DOCK10: variants seen among roughly 807,000 people sequenced by gnomAD.
DOCK10 encodes dedicator of cytokinesis protein 10.
A neutral mutation model predicts 280.1 loss-of-function variants in DOCK10; 145 were observed. The observed-to-expected ratio is 0.52, with a 90% confidence interval of 0.45 to 0.59. The LOEUF (loss-of-function observed/expected upper bound fraction) is 0.59. Among genes scored for constraint, DOCK10 ranks in the 20% least tolerant of loss-of-function variants. The pLI is 0.00. For missense variants in DOCK10, 2,368 were observed against 2,651.7 expected, an observed-to-expected ratio of 0.89 and a Z score of 2.35; for synonymous variants, 915 against 942.2, an observed-to-expected ratio of 0.97 and a Z score of 0.53.
chr2:224,787,059 A>G lies in DOCK10; in HGVS notation c.5618T>C (p.Leu1873Pro). 6.2e-7 allele frequency: 1 copy of G among 1,613,998 alleles called. No individual in the cohort carries two copies. Among genetic ancestry groups the G allele is most frequent in the Non-Finnish European group, 8.5e-7 (1 of 1,179,872 alleles). Residue 1873 changes from leucine to proline, a missense_variant, in exon 50 of 56, where the codon CTG becomes CCG. By Grantham distance (98) the Leu-to-Pro change is moderately conservative. Around this residue, in one of 2 missense-constraint regions of DOCK10, gnomAD observed 1,159 missense variants for 1,400.8 expected, o/e 0.83. Transcript: ENST00000258390. ...VAEVVNSEKRLFGRYYRVAFY... is the reference protein window; with the variant it reads ...VAEVVNSEKRPFGRYYRVAFY... ...TGCCACACGATAGTAGCGACCAAAC[A>G]GCCGCTTCTCCGAATTCACCACCTC...
At chr2:224,935,684 ACGTAAAATCCT>A (rs1702645598) in intron 1 of DOCK10, among the ~76,000 whole-genome samples, 1 of 152,194 alleles carries the variant, frequency 6.6e-6, no homozygotes, top group Non-Finnish European at 1.5e-5. Context: ...AAGAGCCCAC[ACGTAAAATCCT>A]CATTATCCAA....
chr2:224,967,063 G>A (rs189616184), intron 1 of DOCK10, among the ~76,000 whole-genome samples: 37 of 151,354 alleles, frequency 2.4e-4, no homozygotes, highest in African/African-American at 7.5e-4. Context: ...AATGGATAAA[G>A]TTCACCCTAT....
In DOCK10 at chr2:225,002,717, G is replaced by A. The variant is rs141411879; in HGVS notation, c.123+39535C>T. Among the ~76,000 whole-genome samples, 453 of 152,276 alleles carry A rather than the reference G, an allele frequency of 3.0e-3. 1 individual carries two copies. In the Middle Eastern group the frequency reaches 0.037, roughly 13 times the overall value. ...GAAAAAAGCCAGCAGCTGGCATCTC[G>A]TCACCCACAGCTTCCAGAAACAGTC... On this transcript the variant is annotated intron_variant, in intron 1 of 55. Transcript: ENST00000258390.
At chr2:224,901,901 A>T (rs920675126) in intron 3 of DOCK10, among the ~76,000 whole-genome samples, 2 of 152,180 alleles carry the variant, frequency 1.3e-5, no homozygotes, top group Non-Finnish European at 2.9e-5. Flanking sequence ...ATCTAGACAC[A>T]GCCTTTTAAA....
At chr2:224,774,536 G>A (rs547345218) in intron 52 of DOCK10, among the ~76,000 whole-genome samples, 2 of 152,294 alleles carry the variant, frequency 1.3e-5, no homozygotes, top group South Asian at 2.1e-4. Flanking sequence ...TCCCAGAGTG[G>A]TTTAGAATCT....
rs372631892 is a variant in DOCK10 at position 224,809,377 on chromosome 2, C to G, written c.3410-1291G>C. Among the ~76,000 whole-genome samples the G allele has an allele frequency of 2.0e-5, 3 of 152,128 alleles. No individual in the cohort carries two copies. The East Asian group carries it at 5.8e-4, about 29-fold the overall frequency. ...ATCAAATTTAAAAGTTTCTGGACAG[C>G]AAAGGAAGCAATCAACAAAATGAAA... On this transcript the variant is annotated intron_variant, in intron 31 of 55. Transcript: ENST00000258390.
intron 1 of DOCK10, among the ~76,000 whole-genome samples, chr2:224,956,627 A>G (rs1422736311): frequency 8.1e-5 from 2 of 24,678 alleles, no homozygotes; most frequent in African/African-American, 3.6e-4. Flanking sequence ...CTACCTCAGA[A>G]AAAAAAAAAA....
chr2:224,946,141 T>C (rs1366549389), intron 1 of DOCK10, among the ~76,000 whole-genome samples: 1 of 152,250 alleles, frequency 6.6e-6, no homozygotes, highest in African/African-American at 2.4e-5. Context: ...TCAGCTCTGA[T>C]ATTCAACTGT....
At chr2:224,883,947 G>A (rs771141991) in intron 7 of DOCK10, among the ~76,000 whole-genome samples, 1 of 152,148 alleles carries the variant, frequency 6.6e-6, no homozygotes, top group Non-Finnish European at 1.5e-5. Flanking sequence ...CAAATGGAAA[G>A]GATAATATTT....
At chr2:224,767,097 C>T (rs973387180) in intron 55 of DOCK10, among the ~76,000 whole-genome samples, 1 of 152,152 alleles carries the variant, frequency 6.6e-6, no homozygotes, top group African/African-American at 2.4e-5. Flanking sequence ...AATCATGGGG[C>T]CTTTACCCAT....
At position 224,864,607 on chromosome 2, in the gene DOCK10, C is replaced by T. The variant is rs1234730990; in HGVS notation, c.1548G>A (p.Met516Ile). The T allele has an allele frequency of 6.2e-7, 1 of 1,613,172 alleles. No homozygotes were observed. Among genetic ancestry groups the T allele is most frequent in the Non-Finnish European group, 8.5e-7 (1 of 1,179,750 alleles). The change falls in exon 13 of 56, where the codon ATG becomes ATA. Residue 516 changes from methionine to isoleucine, a missense_variant. By Grantham distance (10) the Met-to-Ile change is conservative (BLOSUM62 1). Transcript: ENST00000258390. ...VLVAKIEKVL[M>I]GNIASGAEPY... Reference sequence around the variant, plus strand: ...GTTCGGCACCACTTGCAATGTTTCCCATCAAGACTTTTTCGATTTTGGCCA... The same window carrying T: ...GTTCGGCACCACTTGCAATGTTTCCTATCAAGACTTTTTCGATTTTGGCCA...
At chr2:225,009,180 A>G (rs984820227) in intron 1 of DOCK10, among the ~76,000 whole-genome samples, 1 of 152,244 alleles carries the variant, frequency 6.6e-6, no homozygotes, top group Non-Finnish European at 1.5e-5. Context: ...AGGGGGTCAC[A>G]GATTAGGTTT....
At chr2:224,781,118 T>A (rs3768874) in intron 50 of DOCK10, among the ~76,000 whole-genome samples, 89,210 of 151,724 alleles carry the variant, frequency 0.59, 29,013 homozygotes, top group African/African-American at 0.86. Flanking sequence ...TGATGAAAAA[T>A]CTCTGTATCT....
intron 3 of DOCK10, among the ~76,000 whole-genome samples, chr2:224,909,807 TAATGGA>T (rs1700909094): frequency 2.0e-5 from 3 of 151,932 alleles, no homozygotes; most frequent in Admixed American, 6.6e-5. Flanking sequence ...TGCAGTGTTT[TAATGGA>T]TGTGAAATAA....
chr2:225,039,863 A>G (rs532588658), intron 1 of DOCK10, among the ~76,000 whole-genome samples: 2 of 152,336 alleles, frequency 1.3e-5, no homozygotes, highest in South Asian at 4.1e-4. Flanking sequence ...GATTTCAGAA[A>G]GGGGAATATA....
rs868387529 is a variant in DOCK10, at chr2:224,826,537, A to T, written c.3037-2890T>A. ...ATTCACTTCACAATTTAAAAAGAAA[A>T]AAAAAAGAAAATACAAATAGCTTGG... On this transcript the variant is annotated intron_variant, in intron 27 of 55. Coordinates refer to ENST00000258390, the MANE Select transcript of DOCK10 (RefSeq NM_014689.3). Among the ~76,000 whole-genome samples, 9 of 152,248 alleles carry T rather than the reference A, an allele frequency of 5.9e-5. 1 individual carries two copies. The highest frequency in any genetic ancestry group is 2.2e-4 in the African/African-American group (9 of 41,530).
At chr2:225,018,656 ATAATATATATG>A (rs1689692909) in intron 1 of DOCK10, among the ~76,000 whole-genome samples, 1 of 113,124 alleles carries the variant, frequency 8.8e-6, no homozygotes, top group East Asian at 2.4e-4. Flanking sequence ...TTATATATAT[ATAATATATATG>A]TAATATTATA....
At chr2:224,990,871 G>A (rs116838621) in intron 1 of DOCK10, among the ~76,000 whole-genome samples, 87 of 152,238 alleles carry the variant, frequency 5.7e-4, no homozygotes, top group African/African-American at 2.0e-3. Flanking sequence ...TCCTGAAAAG[G>A]GACAGAAACA....
intron 2 of DOCK10, among the ~76,000 whole-genome samples, chr2:224,930,134 G>A (rs1008921204): frequency 4.0e-5 from 6 of 151,122 alleles, no homozygotes; most frequent in Non-Finnish European, 8.8e-5. Context: ...CCAGGAGGTG[G>A]AGGAGGTTGC....
Sources: gnomAD v4.1 joint callset for allele counts (sites outside exome capture counted in the v4.1 genomes callset) on GRCh38, gnomAD v4.1.1 for gene constraint, gnomAD v4.1.1 regional missense constraint, MANE v1.5 for transcripts, NCBI Gene and HGNC (gene_info 2026-07-23, HGNC 2026-07-21) for gene names.